The following RBMS1 variants were observed in gnomAD, a reference collection of about 807,000 sequenced individuals.
RBMS1 encodes the protein RNA binding motif single stranded interacting protein 1, also known as RNA-binding motif, single-stranded-interacting protein 1.
A neutral mutation model predicts 62.3 loss-of-function variants in RBMS1; 17 were observed. The ratio of observed to expected loss-of-function variants is 0.27; its 90% CI spans 0.19 to 0.41. The LOEUF (loss-of-function observed/expected upper bound fraction) is 0.41, where lower values mean the gene tolerates loss of function less well. Ranked by LOEUF, RBMS1 falls within the 10% of genes least tolerant of loss-of-function variation. The pLI is 1.00. For synonymous variants in RBMS1, 172 were observed against 170.0 expected, an observed-to-expected ratio of 1.01 and a Z score of -0.09; for missense variants, 334 against 504.5, an observed-to-expected ratio of 0.66 and a Z score of 3.24.
chr2:160,324,907 T>TATATATATACAC (rs1321182985), intron 2 of RBMS1, among the ~76,000 whole-genome samples: 34 of 106,786 alleles, frequency 3.2e-4, no homozygotes, highest in South Asian at 1.3e-3. Context: ...TATATATATA[T>TATATATATACAC]ACACACACAC....
Position 160,327,223 on chromosome 2 carries a change from G to C in RBMS1, c.252-8996C>G, listed in dbSNP as rs567347418. ...ATCCTTTGAGAGTACAAATGAAACT[G>C]GTCATCTCTACCCAGATTTTGAGAC... is the stretch of plus-strand genomic sequence containing the variant. On this transcript the variant is annotated intron_variant, in intron 2 of 13. Transcript: ENST00000348849. Among the ~76,000 whole-genome samples, 23 of 152,240 alleles carry C rather than the reference G, an allele frequency of 1.5e-4. No homozygotes were observed. The South Asian group carries it at 4.8e-3, about 32-fold the overall frequency.
At chr2:160,366,291 T>C (rs1693395096) in intron 2 of RBMS1, among the ~76,000 whole-genome samples, 1 of 152,252 alleles carries the variant, frequency 6.6e-6, no homozygotes, top group Non-Finnish European at 1.5e-5. Context: ...AATCTGGATT[T>C]TGACCAGGAA....
chr2:160,379,192 T>C (rs4436913), intron 1 of RBMS1, among the ~76,000 whole-genome samples: 100,832 of 151,496 alleles, frequency 0.67, 33,923 homozygotes, highest in Middle Eastern at 0.76. Context: ...GCACCCCAGC[T>C]TGGGGGGCAA....
At chr2:160,383,438 T>C (rs887077717) in intron 1 of RBMS1, among the ~76,000 whole-genome samples, 1 of 88,946 alleles carries the variant, frequency 1.1e-5, no homozygotes, top group Admixed American at 1.3e-4. Flanking sequence ...TCTGGGGTTC[T>C]GGTTAGACAT....
chr2:160,306,304 A>T (rs907503609), intron 4 of RBMS1, among the ~76,000 whole-genome samples: 2 of 152,198 alleles, frequency 1.3e-5, no homozygotes, highest in African/African-American at 2.4e-5. Context: ...AAATATTATT[A>T]AAAATATTAC....
chr2:160,285,939 A>G (rs1688361830), intron 7 of RBMS1, among the ~76,000 whole-genome samples: 1 of 151,546 alleles, frequency 6.6e-6, no homozygotes. Flanking sequence ...GTGAAACCCC[A>G]TCTCTAGTAA....
At chr2:160,277,846 C>T (rs1200796317) in intron 11 of RBMS1, 2 of 156,868 alleles carry the variant, frequency 1.3e-5, no homozygotes, top group Non-Finnish European at 2.8e-5. Context: ...CAGAGCCTGG[C>T]TTTTCTGACA....
At chr2:160,347,817 A>T (rs143011428) in intron 2 of RBMS1, among the ~76,000 whole-genome samples, 1 of 152,292 alleles carries the variant, frequency 6.6e-6, no homozygotes, top group African/African-American at 2.4e-5. Context: ...ATCTAGCCCA[A>T]TAACACACCA....
At position 160,281,334 on chromosome 2, in the gene RBMS1, G is replaced by T. The variant is rs764772658; in HGVS notation, c.931C>A (p.Pro311Thr). The change falls in exon 10 of 14, where the codon CCA (proline) becomes ACA (threonine). Residue 311 changes from proline to threonine, a missense_variant. Physicochemically the swap from Pro to Thr is conservative, Grantham distance 38. Around this residue, in one of 3 missense-constraint regions of RBMS1, gnomAD observed 182 missense variants for 257.7 expected, o/e 0.71. Coordinates refer to ENST00000348849, the MANE Select transcript of RBMS1 (RefSeq NM_016836.4). The part of the protein sequence containing the change: ...VQSPSWMQPQ[P>T]YILQHPGAVL... ...CTTACAGGGTGCTGTAGAATATATG[G>T]TTGAGGTTGCATCCACGAAGGACTT... 1 of 1,609,900 alleles carries T rather than the reference G, an allele frequency of 6.2e-7. No individual in the cohort carries two copies. The highest frequency in any genetic ancestry group is 1.1e-5 in the South Asian group (1 of 90,316).
At chr2:160,376,613 C>CT (rs908126756) in intron 1 of RBMS1, among the ~76,000 whole-genome samples, 1 of 151,522 alleles carries the variant, frequency 6.6e-6, no homozygotes. Context: ...CTATGTATTT[C>CT]TTTTTTTTAT....
At chr2:160,378,369 T>G (rs968661305) in intron 1 of RBMS1, among the ~76,000 whole-genome samples, 46 of 152,226 alleles carry the variant, frequency 3.0e-4, no homozygotes, top group South Asian at 4.1e-4. Flanking sequence ...ATCCCAACAC[T>G]TTGGGAAGCC....
At chr2:160,455,864 T>A (rs10427297) in intron 1 of RBMS1, among the ~76,000 whole-genome samples, 1 of 151,146 alleles carries the variant, frequency 6.6e-6, no homozygotes, top group Non-Finnish European at 1.5e-5. Context: ...TTTGTATTTT[T>A]AGTAGAGACG....
chr2:160,300,586 A>G, intron 6 of RBMS1, 65 bp downstream of exon 6: 2 of 1,498,188 alleles, frequency 1.3e-6, no homozygotes, highest in Non-Finnish European at 1.8e-6. Context: ...AAGAGTCATC[A>G]TGTGCTAAAG....
chr2:160,349,119 A>G (rs957374000), intron 2 of RBMS1, among the ~76,000 whole-genome samples: 3 of 152,094 alleles, frequency 2.0e-5, no homozygotes, highest in Non-Finnish European at 2.9e-5. Flanking sequence ...GTTGTATTGT[A>G]TAGGGAAAGA....
chr2:160,300,779 T>G, intron 5 of RBMS1, 49 bp from the exon 6 acceptor site: 2 of 1,474,862 alleles, frequency 1.4e-6, no homozygotes, highest in South Asian at 2.9e-5. Flanking sequence ...GTTTCTTAAC[T>G]TTCATCTTGT....
chr2:160,344,813 G>A (rs955817128), intron 2 of RBMS1, among the ~76,000 whole-genome samples: 6 of 152,080 alleles, frequency 3.9e-5, no homozygotes, highest in Non-Finnish European at 5.9e-5. Flanking sequence ...CCACCATTTA[G>A]CACAGTGCTG....
At chr2:160,392,344 C>T (rs1006672938) in intron 1 of RBMS1, among the ~76,000 whole-genome samples, 2 of 152,092 alleles carry the variant, frequency 1.3e-5, no homozygotes, top group Admixed American at 1.3e-4. Context: ...CACAACCATG[C>T]CCATTTGTTT....
rs558793517 is a variant in RBMS1 at position 160,275,685 on chromosome 2, G to A, written c.1173C>T (p.Val391=). The A allele has an allele frequency of 1.5e-5, 25 of 1,613,746 alleles. No individual in the cohort carries two copies. Among genetic ancestry groups the A allele is most frequent in the African/African-American group, 4.0e-5 (3 of 74,998 alleles). The change falls in exon 13 of 14, where the codon GTC becomes GTT. Residue 391 remains valine (V), a synonymous_variant. Transcript: ENST00000348849. ...ATGGAGAATGGTCATTAGACGTCTC[G>A]ACAGCCACCTGCTGTTGACCACTTG... ...EEASGQQQVA[V]ETSNDHSPYT... is the part of the protein sequence containing the mutation.
chr2:160,391,690 A>G (rs778126310), intron 1 of RBMS1, among the ~76,000 whole-genome samples: 1 of 152,162 alleles, frequency 6.6e-6, no homozygotes. Context: ...AAAATAACCA[A>G]TGTAGGGCTG....
Sources: allele counts gnomAD v4.1 joint callset (sites outside exome capture counted in the v4.1 genomes callset), GRCh38; gene constraint gnomAD v4.1.1; regional missense constraint gnomAD v4.1.1; transcripts MANE v1.5; gene names NCBI Gene and HGNC (gene_info 2026-07-23, HGNC 2026-07-21).